Variants in ADAMTS9 observed in about 807,000 individuals in gnomAD.
ADAMTS9 encodes ADAM metallopeptidase with thrombospondin type 1 motif 9, also known as A disintegrin and metalloproteinase with thrombospondin motifs 9.
Under a neutral mutation model 257.1 loss-of-function variants are expected in ADAMTS9, and 107 were observed. The ratio of observed to expected loss-of-function variants is 0.42; its 90% CI spans 0.36 to 0.49. The LOEUF is 0.49. ADAMTS9 is among the 20% of genes least tolerant of loss of function. ADAMTS9 has a pLI of 0.03. For synonymous variants in ADAMTS9, 982 were observed against 880.9 expected, an observed-to-expected ratio of 1.11 and a Z score of -2.03; for missense variants, 2,353 against 2,469.1, an observed-to-expected ratio of 0.95 and a Z score of 1.00.
intron 30 of ADAMTS9, among the ~76,000 whole-genome samples, chr3:64,559,495 T>G (rs188940353): frequency 4.5e-4 from 69 of 152,334 alleles, no homozygotes; most frequent in African/African-American, 1.6e-3. Context: ...ACTATTAGAC[T>G]CTGCTTTTCC....
intron 28 of ADAMTS9, among the ~76,000 whole-genome samples, chr3:64,580,366 C>T (rs1355565741): frequency 6.6e-6 from 1 of 152,016 alleles, no homozygotes; most frequent in Non-Finnish European, 1.5e-5. Flanking sequence ...AATACCGAGC[C>T]CAAGATTTTG....
chr3:64,539,849 T>A (rs1250540676), intron 36 of ADAMTS9, among the ~76,000 whole-genome samples: 1 of 152,224 alleles, frequency 6.6e-6, no homozygotes, highest in East Asian at 1.9e-4. Flanking sequence ...GGGGCTAGCC[T>A]GTAATTTTTT....
rs117577759 is a variant in ADAMTS9, at chr3:64,522,346, C to T, written c.5719-86G>A. Reference sequence around the variant, plus strand: ...GGCTTTTTGGGAAAACGTTCTTATACACACAGTAAACAGGCCTTCTGAACT... The same window carrying T: ...GGCTTTTTGGGAAAACGTTCTTATATACACAGTAAACAGGCCTTCTGAACT... On this transcript the variant is annotated intron_variant, in intron 38 of 39. Transcript: ENST00000498707. 11,525 of 1,184,758 alleles carry T rather than the reference C, an allele frequency of 9.7e-3. 433 individuals are homozygous for T. Among genetic ancestry groups the T allele is most frequent in the Admixed American group, 0.08 (4,580 of 56,962 alleles). The allele number at this position is 1,184,758 out of a possible 1,614,324, so 73.4% of individuals were successfully genotyped here. A position where few individuals can be genotyped will look rare whatever the true frequency, so the allele number is the denominator to read the frequency against.
intron 22 of ADAMTS9, among the ~76,000 whole-genome samples, chr3:64,611,171 G>A (rs917186121): frequency 3.3e-5 from 5 of 151,186 alleles, no homozygotes; most frequent in African/African-American, 1.2e-4. Flanking sequence ...AGTGAAGCCA[G>A]GTACTGAAAT....
Position 64,624,031 on chromosome 3 carries a change from A to G in ADAMTS9, c.2390-1445T>C, listed in dbSNP as rs180849910. ...GAATCTAAAATAGTCAAACCCATAG[A>G]AGCAGAGGGTAGAGTGGTAAATGCC... On this transcript the variant is annotated intron_variant, in intron 16 of 39. Coordinates refer to ENST00000498707, the MANE Select transcript of ADAMTS9 (RefSeq NM_182920.2). Among the ~76,000 whole-genome samples the G allele has an allele frequency of 1.3e-3, 202 of 151,698 alleles. 1 individual carries two copies. Among genetic ancestry groups the G allele is most frequent in the African/African-American group, 4.6e-3 (190 of 41,296 alleles).
At chr3:64,588,865 T>G (rs2084208985) in intron 28 of ADAMTS9, 1 of 152,244 alleles carries the variant, frequency 6.6e-6, no homozygotes, top group Admixed American at 6.5e-5. Flanking sequence ...GTATTTTGAT[T>G]GTTCTGAACA....
intron 31 of ADAMTS9, among the ~76,000 whole-genome samples, chr3:64,549,842 C>T (rs556567648): frequency 4.6e-5 from 7 of 152,120 alleles, no homozygotes; most frequent in South Asian, 4.1e-4. Context: ...AAGGATAGGG[C>T]GAGATAATTA....
chr3:64,575,543 C>T (rs763712491), intron 28 of ADAMTS9, among the ~76,000 whole-genome samples: 27 of 152,116 alleles, frequency 1.8e-4, no homozygotes, highest in Non-Finnish European at 2.8e-4. Flanking sequence ...CCAAGGGGTG[C>T]TTGGGTGCTG....
intron 8 of ADAMTS9, among the ~76,000 whole-genome samples, chr3:64,652,649 G>T (rs1308318499): frequency 6.6e-6 from 1 of 152,142 alleles, no homozygotes; most frequent in Non-Finnish European, 1.5e-5. Context: ...TTTGCTCACT[G>T]CAGGAGTTAA....
intron 28 of ADAMTS9, among the ~76,000 whole-genome samples, chr3:64,586,059 A>T (rs899640679): frequency 1.3e-5 from 2 of 152,190 alleles, no homozygotes; most frequent in African/African-American, 2.4e-5. Flanking sequence ...CTTGGCTTAA[A>T]CCACTAGCTT....
At chr3:64,666,347 AT>A (rs1701354092) in intron 3 of ADAMTS9, among the ~76,000 whole-genome samples, 1 of 152,176 alleles carries the variant, frequency 6.6e-6, no homozygotes, top group Non-Finnish European at 1.5e-5. Context: ...ATTGCTCTCT[AT>A]TTTGTAAGGT....
At chr3:64,524,600 C>T (rs891140655) in intron 38 of ADAMTS9, among the ~76,000 whole-genome samples, 4 of 152,202 alleles carry the variant, frequency 2.6e-5, no homozygotes, top group Non-Finnish European at 5.9e-5. Flanking sequence ...AAAAGCTATA[C>T]TCAGTTATTA....
chr3:64,631,106 G>C (rs190416225), intron 16 of ADAMTS9, among the ~76,000 whole-genome samples: 22 of 152,302 alleles, frequency 1.4e-4, no homozygotes, highest in African/African-American at 5.3e-4. Context: ...ATATTTGCAA[G>C]TCAGTTCCCC....
intron 26 of ADAMTS9, among the ~76,000 whole-genome samples, chr3:64,600,058 T>TTG (rs2084430872): frequency 6.7e-6 from 1 of 149,696 alleles, no homozygotes; most frequent in South Asian, 2.2e-4. Flanking sequence ...GTTCTTTTTT[T>TTG]TTTTTTTTTT....
intron 12 of ADAMTS9, among the ~76,000 whole-genome samples, chr3:64,637,982 C>A (rs941378946): frequency 6.6e-6 from 1 of 152,190 alleles, no homozygotes; most frequent in African/African-American, 2.4e-5. Flanking sequence ...TAATTCCTTA[C>A]AGCCAAATGA....
At chr3:64,681,150 A>G in intron 3 of ADAMTS9, 51 bp downstream of exon 3, 1 of 1,574,564 alleles carries the variant, frequency 6.4e-7, no homozygotes, top group South Asian at 1.2e-5. Flanking sequence ...TAGTATAGCA[A>G]TTTACCCATC....
intron 2 of ADAMTS9, among the ~76,000 whole-genome samples, chr3:64,684,218 G>A (rs577050353): frequency 1.3e-4 from 20 of 152,158 alleles, no homozygotes; most frequent in Non-Finnish European, 2.6e-4. Flanking sequence ...TGGAGTTAGC[G>A]ATCGAGGAGA....
At chr3:64,540,286 G>A (rs1469275257) in intron 36 of ADAMTS9, among the ~76,000 whole-genome samples, 3 of 152,154 alleles carry the variant, frequency 2.0e-5, no homozygotes, top group African/African-American at 7.2e-5. Flanking sequence ...GAAAAGGAAT[G>A]CAATATTATG....
chr3:64,680,738 C>T (rs762852734), intron 3 of ADAMTS9, among the ~76,000 whole-genome samples: 3 of 152,130 alleles, frequency 2.0e-5, no homozygotes, highest in Admixed American at 6.5e-5. Context: ...TCAACAAACA[C>T]ATATATGTTT....
Sources: allele counts gnomAD v4.1 joint callset (sites outside exome capture counted in the v4.1 genomes callset), GRCh38; gene constraint gnomAD v4.1.1; transcripts MANE v1.5; gene names NCBI Gene and HGNC (gene_info 2026-07-23, HGNC 2026-07-21).